Variants in CCDC66 observed in about 807,000 individuals in gnomAD.
CCDC66 encodes coiled-coil domain-containing protein 66.
A neutral mutation model predicts 128.3 loss-of-function variants in CCDC66; 133 were observed. The ratio of observed to expected loss-of-function variants is 1.04; its 90% CI spans 0.90 to 1.20. The LOEUF (loss-of-function observed/expected upper bound fraction) is 1.20, where lower values mean the gene tolerates loss of function less well. Among genes scored for constraint, CCDC66 ranks in the 50% most tolerant of loss-of-function variants. The pLI is 0.00. For missense variants in CCDC66, 1,126 were observed against 1,075.5 expected (o/e 1.05, Z -0.66); for synonymous variants, 387 against 357.0 (o/e 1.08, Z -0.95).
intron 3 of CCDC66, among the ~76,000 whole-genome samples, chr3:56,562,862 G>C (rs1015805394): frequency 1.3e-5 from 2 of 151,122 alleles, no homozygotes; most frequent in Admixed American, 6.6e-5. Flanking sequence ...GGCCAGGCTG[G>C]CCTTGAACTC....
chr3:56,612,168 C>T (rs2074925986), intron 10 of CCDC66, among the ~76,000 whole-genome samples: 1 of 152,238 alleles, frequency 6.6e-6, no homozygotes. Flanking sequence ...ATAACGATCA[C>T]TTCTTCCGAT....
At chr3:56,594,509 C>T (rs547724790) in intron 10 of CCDC66, among the ~76,000 whole-genome samples, 201 of 151,850 alleles carry the variant, frequency 1.3e-3, no homozygotes, top group Non-Finnish European at 2.3e-3. Flanking sequence ...GGTGAAACCC[C>T]GTCTCTACTA....
intron 3 of CCDC66, among the ~76,000 whole-genome samples, chr3:56,561,701 A>C (rs901253507): frequency 1.3e-5 from 2 of 152,222 alleles, no homozygotes; most frequent in African/African-American, 4.8e-5. Flanking sequence ...GACTATAAAC[A>C]CCAAAATCAG....
In CCDC66 at chr3:56,594,036, A is replaced by C. The variant is rs1394163551; in HGVS notation, c.1404+8A>C. On this transcript the variant is annotated splice_region_variant and intron_variant, in intron 10 of 17. Transcript: ENST00000394672. Reference sequence around the variant, plus strand: ...AAACAATTAGAGCATCAGGTATTGCATTGTTAAACATTGTTCTTTACCTTA... The same window carrying C: ...AAACAATTAGAGCATCAGGTATTGCCTTGTTAAACATTGTTCTTTACCTTA... 3 of 1,603,608 alleles carry C rather than the reference A, an allele frequency of 1.9e-6. No homozygotes were observed. Among genetic ancestry groups the C allele is most frequent in the Non-Finnish European group, 2.6e-6 (3 of 1,170,142 alleles).
chr3:56,588,510 A>G (rs377547162), intron 7 of CCDC66, among the ~76,000 whole-genome samples: 1 of 152,144 alleles, frequency 6.6e-6, no homozygotes, highest in Non-Finnish European at 1.5e-5. Context: ...AATGGCAAAA[A>G]CCGCAATTTA....
intron 17 of CCDC66, 93 bp downstream of exon 17, chr3:56,619,994 G>A (rs1276591904): frequency 3.0e-6 from 4 of 1,351,806 alleles, no homozygotes; most frequent in Non-Finnish European, 4.0e-6. Flanking sequence ...AGTTACTTCG[G>A]TGCATCCCAG....
intron 7 of CCDC66, among the ~76,000 whole-genome samples, chr3:56,576,172 T>G (rs930246297): frequency 6.6e-6 from 1 of 151,698 alleles, no homozygotes; most frequent in Non-Finnish European, 1.5e-5. Flanking sequence ...ATGCAGGATA[T>G]CTTTCCATTT....
intron 7 of CCDC66, among the ~76,000 whole-genome samples, chr3:56,573,063 TA>T (rs1171640357): frequency 6.6e-6 from 1 of 152,192 alleles, no homozygotes; most frequent in Non-Finnish European, 1.5e-5. Context: ...AACATCAGGA[TA>T]AAAAATCTGT....
chr3:56,580,920 G>T (rs893279740), intron 7 of CCDC66, among the ~76,000 whole-genome samples: 33 of 151,706 alleles, frequency 2.2e-4, no homozygotes, highest in African/African-American at 7.3e-4. Flanking sequence ...TATCTTTGTG[G>T]TGTTCTCTGT....
At chr3:56,600,531 T>A (rs2072986250) in intron 10 of CCDC66, among the ~76,000 whole-genome samples, 1 of 152,018 alleles carries the variant, frequency 6.6e-6, no homozygotes, top group African/African-American at 2.4e-5. Context: ...GTAGTTCTGG[T>A]TCTGGATCCT....
At chr3:56,582,191 G>C (rs554787350) in intron 7 of CCDC66, among the ~76,000 whole-genome samples, 1 of 151,884 alleles carries the variant, frequency 6.6e-6, no homozygotes, top group African/African-American at 2.4e-5. Context: ...GCGAGGCTCC[G>C]TGGGCGTGGG....
intron 14 of CCDC66, chr3:56,617,964 A>G: frequency 1.7e-6 from 1 of 595,926 alleles, no homozygotes; most frequent in Non-Finnish European, 3.0e-6. Flanking sequence ...CCTTGTTTAT[A>G]GTCCACATAG....
intron 10 of CCDC66, among the ~76,000 whole-genome samples, chr3:56,610,402 T>C (rs1406893365): frequency 6.6e-6 from 1 of 152,182 alleles, no homozygotes; most frequent in East Asian, 1.9e-4. Flanking sequence ...TAAAAGTGTG[T>C]CCAAAGTTTC....
chr3:56,584,312 G>A (rs2069130153), intron 7 of CCDC66, among the ~76,000 whole-genome samples: 2 of 148,172 alleles, frequency 1.3e-5, no homozygotes, highest in African/African-American at 2.5e-5. Flanking sequence ...GCTGCCGGGC[G>A]GAGGGGTTCT....
rs9823108 is a variant in CCDC66, at chr3:56,621,174, C to A, written c.2761-358C>A. The A allele has an allele frequency of 0.4, 61,403 of 153,584 alleles. 12,836 individuals carry two copies. Among genetic ancestry groups the A allele is most frequent in the East Asian group, 0.61 (3,169 of 5,220 alleles). The allele number at this position is 153,584 out of a possible 1,614,324, so 9.5% of individuals were successfully genotyped here. A position where few individuals can be genotyped will look rare whatever the true frequency, so the allele number is the denominator to read the frequency against. ...ACTCCATCTCCAAAAAAAAACAAAA[C>A]AACAACAACAAAAAAAAAACACTGT... On this transcript the variant is annotated intron_variant, in intron 17 of 17. Transcript: ENST00000394672.
intron 6 of CCDC66, among the ~76,000 whole-genome samples, chr3:56,569,152 A>G (rs896815242): frequency 1.3e-5 from 2 of 152,152 alleles, no homozygotes; most frequent in Admixed American, 1.3e-4. Flanking sequence ...AGCCTGCTGG[A>G]GCAACAGAGT....
intron 7 of CCDC66, among the ~76,000 whole-genome samples, chr3:56,588,395 A>G (rs1301047238): frequency 2.0e-5 from 3 of 152,104 alleles, no homozygotes; most frequent in Admixed American, 2.0e-4. Flanking sequence ...CTCACAGATC[A>G]CCACTAAAGA....
intron 7 of CCDC66, among the ~76,000 whole-genome samples, chr3:56,580,017 T>A (rs994804157): frequency 6.6e-6 from 1 of 151,832 alleles, no homozygotes; most frequent in Non-Finnish European, 1.5e-5. Flanking sequence ...GGTGTTAAAG[T>A]CTCCCATTAT....
At chr3:56,589,836 AT>A (rs1233145433) in intron 7 of CCDC66, among the ~76,000 whole-genome samples, 3 of 152,188 alleles carry the variant, frequency 2.0e-5, no homozygotes, top group African/African-American at 7.2e-5. Context: ...AATTTTTTTA[AT>A]TGGCAGAATT....
Sources: allele counts gnomAD v4.1 joint callset (sites outside exome capture counted in the v4.1 genomes callset), GRCh38; gene constraint gnomAD v4.1.1; transcripts MANE v1.5; gene names NCBI Gene and HGNC (gene_info 2026-07-23, HGNC 2026-07-21).